Variants in PFKL observed in about 807,000 individuals in gnomAD.
PFKL encodes the protein ATP-dependent 6-phosphofructokinase, liver type.
PFKL carries 74 observed loss-of-function variants against 92.1 expected under a neutral mutation model. That is an observed-to-expected ratio of 0.80 (90% confidence interval 0.67 to 0.97). PFKL has a LOEUF of 0.97. Among genes scored for constraint, PFKL ranks in the 50% least tolerant of loss-of-function variants. The pLI is 0.00. For missense variants in PFKL, 1,028 were observed against 1,116.6 expected, an observed-to-expected ratio of 0.92 and a Z score of 1.13; for synonymous variants, 494 against 456.4, an observed-to-expected ratio of 1.08 and a Z score of -1.05.
chr21:44,305,342 T>C (rs1231522856), intron 1 of PFKL: 1 of 1,365,720 alleles, frequency 7.3e-7, no homozygotes, highest in East Asian at 4.6e-5. Flanking sequence ...GTAACCAGGG[T>C]AGAGGTCGAG....
At chr21:44,313,812 A>G (rs1250862969) in intron 6 of PFKL, 101 bp from the exon 7 acceptor site, 22 of 1,318,050 alleles carry the variant, frequency 1.7e-5, no homozygotes, top group Middle Eastern at 4.4e-4. Context: ...GGGCCGGGAG[A>G]GACAGAGAAG....
chr21:44,326,596 TCAGA>T (rs956887211), intron 21 of PFKL, 115 bp from the exon 22 acceptor site: 102 of 1,227,472 alleles, frequency 8.3e-5, no homozygotes, highest in Non-Finnish European at 1.1e-4. Flanking sequence ...ACCGAGATGT[TCAGA>T]CAGAGGGGCA....
rs772883914 is a variant in PFKL at position 44,323,792 on chromosome 21, G to A, written c.1524G>A (p.Val508=). Residue 508 remains valine, a synonymous_variant, in exon 16 of 22, where the codon GTG becomes GTA. Coordinates refer to ENST00000349048, the MANE Select transcript of PFKL (RefSeq NM_002626.6). ...FEAYEGVLQL[V]EARGRYEELC... ...CCTATGAAGGGGTGCTGCAGCTGGT[G>A]GAGGCTCGCGGGCGCTACGAGGAGC... 2 of 1,612,502 alleles carry A rather than the reference G, an allele frequency of 1.2e-6. No homozygotes were observed. The highest frequency in any genetic ancestry group is 3.3e-5 in the Admixed American group (2 of 59,950).
intron 16 of PFKL, chr21:44,324,290 G>A (rs2047436901): frequency 6.6e-6 from 4 of 610,128 alleles, no homozygotes; most frequent in East Asian, 2.8e-5. Flanking sequence ...TGCCCTGGGG[G>A]GTGGGGTCGC....
Position 44,316,283 on chromosome 21 carries a change from G to T in PFKL, c.787G>T (p.Ala263Ser), listed in dbSNP as rs552093890. The T allele has an allele frequency of 6.2e-7, 1 of 1,613,208 alleles. No individual in the cohort carries two copies. Among genetic ancestry groups the T allele is most frequent in the East Asian group, 2.2e-5 (1 of 44,880 alleles). ...RGSRLNIIII[A>S]EGAIDRNGKP... ...GTCCCGACTGAACATCATCATCATC[G>T]CTGAGGGTGCCATTGACCGCAACGG... Residue 263 changes from alanine (A) to serine (S), a missense_variant, in exon 8 of 22, where the codon GCT (alanine) becomes TCT (serine). Physicochemically the swap from Ala to Ser is moderately conservative, Grantham distance 99. Coordinates refer to ENST00000349048, the MANE Select transcript of PFKL (RefSeq NM_002626.6).
At chr21:44,314,141 C>T (rs2047133792) in intron 7 of PFKL, 120 bp downstream of exon 7, 1 of 710,954 alleles carries the variant, frequency 1.4e-6, no homozygotes, top group Non-Finnish European at 2.4e-6. Context: ...TCAGCAGCTG[C>T]AGGTGCCCCT....
chr21:44,325,099 C>G (rs928303), intron 18 of PFKL, 54 bp from the exon 19 acceptor site: 260,022 of 1,332,862 alleles, frequency 0.2, 27,344 homozygotes, highest in East Asian at 0.4. Context: ...GACTCAGGAT[C>G]GGGGGGAGAC....
At chr21:44,300,465 G>T (rs2040739481) in intron 1 of PFKL, among the ~76,000 whole-genome samples, 1 of 152,158 alleles carries the variant, frequency 6.6e-6, no homozygotes, top group Non-Finnish European at 1.5e-5. Flanking sequence ...TCTGGGCCGC[G>T]GGGCAGGACC....
rs376434627 is a variant in PFKL, at chr21:44,316,929, A to G, written c.936+405A>G. Among the ~76,000 whole-genome samples, 5 of 152,132 alleles carry G rather than the reference A, an allele frequency of 3.3e-5. No individual in the cohort carries two copies. The South Asian group carries it at 1.0e-3, about 31-fold the overall frequency. On this transcript the variant is annotated intron_variant, in intron 9 of 21. Transcript: ENST00000349048. ...CTGACCCCCACCCTCTGCCAGCCCA[A>G]CGTGGCAGCAGTCAGGGCCAGGGGC...
intron 14 of PFKL, 119 bp downstream of exon 14, chr21:44,322,322 G>C: frequency 1.1e-6 from 1 of 922,008 alleles, no homozygotes. Context: ...CCCTCTTCCT[G>C]CTGGTGGTCT....
intron 15 of PFKL, 60 bp downstream of exon 15, chr21:44,323,109 G>A (rs1043784759): frequency 1.2e-5 from 16 of 1,354,796 alleles, no homozygotes; most frequent in Admixed American, 8.5e-5. Context: ...GTGTCCTCCC[G>A]CCGAGGGGGC....
intron 11 of PFKL, 196 bp from the exon 12 acceptor site, chr21:44,319,888 C>T: frequency 5.3e-6 from 3 of 570,606 alleles, no homozygotes; most frequent in Non-Finnish European, 9.4e-6. Context: ...CTGGCGTGGC[C>T]TCGTGTTGTG....
intron 1 of PFKL, chr21:44,306,025 TGCG>T: frequency 9.6e-7 from 1 of 1,041,012 alleles, no homozygotes; most frequent in Non-Finnish European, 1.2e-6. Context: ...CCCATCTCAT[TGCG>T]GAGGAAGGAG....
rs1480896176 is a variant in PFKL, at chr21:44,327,220, A to G, written c.*358A>G. The G allele has an allele frequency of 1.7e-5, 5 of 288,230 alleles. No homozygotes were observed. Among genetic ancestry groups the G allele is most frequent in the South Asian group, 1.1e-4 (2 of 17,986 alleles). The allele number at this position is 288,230 out of a possible 1,614,324, so 17.9% of individuals were successfully genotyped here. ...CACTACATGGGCCAGCCCTTGCTCT[A>G]CCTGGCCGGTAGGCTGCTGGCGCCT... is the stretch of plus-strand genomic sequence containing the variant. On this transcript the variant is annotated 3_prime_UTR_variant, in exon 22 of 22. Coordinates refer to ENST00000349048, the MANE Select transcript of PFKL (RefSeq NM_002626.6).
At chr21:44,325,497 C>G in intron 19 of PFKL, 1 of 574,832 alleles carries the variant, frequency 1.7e-6, no homozygotes, top group South Asian at 2.0e-5. Context: ...CATTCACATG[C>G]TGAGCCGAGC....
chr21:44,304,290 C>T (rs1413843007), intron 1 of PFKL: 1 of 1,289,118 alleles, frequency 7.8e-7, no homozygotes, highest in South Asian at 1.2e-5. Context: ...CTGACAAGCC[C>T]ACCAGGCCCC....
rs1232026259 is a variant in PFKL at position 44,324,973 on chromosome 21, G to A, written c.1877+56G>A. The A allele has an allele frequency of 5.3e-6, 8 of 1,511,182 alleles. No homozygotes were observed. In the East Asian group the frequency reaches 1.2e-4, roughly 23 times the overall value. The allele number at this position is 1,511,182 out of a possible 1,614,324, so 93.6% of individuals were successfully genotyped here. On this transcript the variant is annotated intron_variant, in intron 18 of 21. Coordinates refer to ENST00000349048, the MANE Select transcript of PFKL (RefSeq NM_002626.6). ...TGCGCGTCCAACTCTCGGGGCTGGGGTGGGGCTGCTGAGGAGCGGCTGGGC... is the reference window on the plus strand; with the variant it reads ...TGCGCGTCCAACTCTCGGGGCTGGGATGGGGCTGCTGAGGAGCGGCTGGGC...
chr21:44,314,050 G>T (rs568939156), intron 7 of PFKL, 29 bp downstream of exon 7: 3 of 1,505,438 alleles, frequency 2.0e-6, no homozygotes, highest in Non-Finnish European at 2.7e-6. Context: ...GCTGGGGGCC[G>T]CAGGTGTCCT....
chr21:44,325,073 G>A, intron 18 of PFKL, 80 bp from the exon 19 acceptor site: 1 of 1,233,272 alleles, frequency 8.1e-7, no homozygotes, highest in Non-Finnish European at 1.2e-6. Context: ...CCCTCTCCCA[G>A]GCCTGGCCCA....
Sources: gnomAD v4.1 joint callset for allele counts (sites outside exome capture counted in the v4.1 genomes callset) on GRCh38, gnomAD v4.1.1 for gene constraint, MANE v1.5 for transcripts, NCBI Gene and HGNC (gene_info 2026-07-23, HGNC 2026-07-21) for gene names.